The following SSBP2 variants were observed in gnomAD, a reference collection of about 807,000 sequenced individuals.
SSBP2 encodes single-stranded DNA-binding protein 2.
SSBP2 carries 17 observed loss-of-function variants against 61.8 expected under a neutral mutation model. The observed-to-expected ratio is 0.28, with a 90% confidence interval of 0.19 to 0.41. The LOEUF (loss-of-function observed/expected upper bound fraction) is 0.41. SSBP2 is among the 10% of genes least tolerant of loss of function. The pLI, the probability that SSBP2 is intolerant of heterozygous loss-of-function variation, is 1.00. For missense variants in SSBP2, 310 were observed against 458.7 expected (o/e 0.68, Z 2.96); for synonymous variants, 139 against 141.3 (o/e 0.98, Z 0.12).
In SSBP2 at chr5:81,526,831, A is replaced by C. The variant is rs142109245; in HGVS notation, c.283-13114T>G. On this transcript the variant is annotated intron_variant, in intron 4 of 16. Coordinates refer to ENST00000320672, the MANE Select transcript of SSBP2 (RefSeq NM_012446.5). Reference sequence around the variant, plus strand: ...GACATATATATTTACCAGTGTGATAAAAATTAGAAAGGGGAAAAATAAGGT... The same window carrying C: ...GACATATATATTTACCAGTGTGATACAAATTAGAAAGGGGAAAAATAAGGT... Among the ~76,000 whole-genome samples the C allele has an allele frequency of 2.4e-4, 36 of 152,066 alleles. No homozygotes were observed. The Middle Eastern group carries it at 0.01, about 43-fold the overall frequency.
intron 4 of SSBP2, among the ~76,000 whole-genome samples, chr5:81,538,831 C>G (rs1363707622): frequency 6.6e-6 from 1 of 152,158 alleles, no homozygotes; most frequent in Non-Finnish European, 1.5e-5. Flanking sequence ...CTGTTGAGAC[C>G]TGCTACACGG....
chr5:81,437,457 G>A lies in SSBP2; in HGVS notation c.930C>T (p.Gly310=), dbSNP rs770517715. The A allele has an allele frequency of 1.3e-5, 21 of 1,603,474 alleles. No individual in the cohort carries two copies. In the Admixed American group the frequency reaches 2.3e-4, roughly 17 times the overall value. Residue 310 remains glycine, a splice_region_variant and synonymous_variant, in exon 15 of 17, where the codon GGC becomes GGT. Transcript: ENST00000320672. ...TGGAAATACTGTCCATATCTCCTGA[G>A]CCTGAAACAAAATATAAAAAGAAAG... is the stretch of plus-strand genomic sequence containing the variant.
chr5:81,634,689 C>T (rs928683373), intron 3 of SSBP2, among the ~76,000 whole-genome samples: 2 of 152,180 alleles, frequency 1.3e-5, no homozygotes, highest in Non-Finnish European at 2.9e-5. Flanking sequence ...CACTCTATCA[C>T]CTCAATTTCC....
At chr5:81,477,407 A>C (rs553423911) in intron 6 of SSBP2, among the ~76,000 whole-genome samples, 77 of 152,180 alleles carry the variant, frequency 5.1e-4, no homozygotes, top group Non-Finnish European at 9.6e-4. Flanking sequence ...CCAATCTGAT[A>C]CTTCAGGATT....
chr5:81,591,184 T>C (rs1425040916), intron 4 of SSBP2, among the ~76,000 whole-genome samples: 3 of 152,112 alleles, frequency 2.0e-5, no homozygotes, highest in Non-Finnish European at 2.9e-5. Context: ...AAACACAAGA[T>C]AATGCTAGAG....
chr5:81,658,650 T>C (rs28825230), intron 1 of SSBP2, among the ~76,000 whole-genome samples: 7,590 of 152,242 alleles, frequency 0.05, 372 homozygotes, highest in African/African-American at 0.13. Context: ...ATAAGTGAGA[T>C]TATATAGTAT....
chr5:81,594,488 G>T (rs539665119), intron 4 of SSBP2, among the ~76,000 whole-genome samples: 7 of 151,996 alleles, frequency 4.6e-5, no homozygotes, highest in African/African-American at 9.7e-5. Context: ...TGCACCAAGC[G>T]GACCTAACAG....
chr5:81,460,475 A>C (rs955950633), intron 10 of SSBP2, among the ~76,000 whole-genome samples: 1 of 152,210 alleles, frequency 6.6e-6, no homozygotes, highest in Admixed American at 6.5e-5. Context: ...GACATTATTA[A>C]GAGAGATAAA....
At position 81,703,374 on chromosome 5, in the gene SSBP2, G is replaced by A. The variant is rs554783043; in HGVS notation, c.62+47607C>T. On this transcript the variant is annotated intron_variant, in intron 1 of 16. Coordinates refer to ENST00000320672, the MANE Select transcript of SSBP2 (RefSeq NM_012446.5). ...GCTCAGGCAGCCTGAGCTACAGTCT[G>A]CAGTGCTTGTTAGATGGACACTCAA... 2.6e-5 allele frequency among the ~76,000 whole-genome samples: 4 copies of A among 152,184 alleles called. No individual in the cohort carries two copies. In the South Asian group the frequency reaches 6.2e-4, roughly 24 times the overall value.
intron 1 of SSBP2, among the ~76,000 whole-genome samples, chr5:81,741,860 A>G (rs1277934791): frequency 2.6e-5 from 4 of 152,228 alleles, no homozygotes; most frequent in African/African-American, 7.2e-5. Flanking sequence ...TTGTTTAATG[A>G]AAGTACTGAC....
intron 4 of SSBP2, among the ~76,000 whole-genome samples, chr5:81,524,926 ATC>A (rs1040693541): frequency 3.3e-5 from 5 of 152,098 alleles, no homozygotes; most frequent in African/African-American, 4.8e-5. Context: ...CACCAATTCC[ATC>A]TAGACTGTAG....
At chr5:81,432,432 T>A (rs1345574899) in intron 15 of SSBP2, among the ~76,000 whole-genome samples, 1 of 152,162 alleles carries the variant, frequency 6.6e-6, no homozygotes, top group African/African-American at 2.4e-5. Flanking sequence ...CTGCAGAATT[T>A]CCTTAGCTGC....
chr5:81,552,169 T>C (rs1055242994), intron 4 of SSBP2, among the ~76,000 whole-genome samples: 3 of 152,166 alleles, frequency 2.0e-5, no homozygotes, highest in Non-Finnish European at 4.4e-5. Flanking sequence ...TATAGAGAGA[T>C]AAATAAGCAA....
At chr5:81,478,994 T>C (rs1765787759) in intron 6 of SSBP2, among the ~76,000 whole-genome samples, 2 of 152,210 alleles carry the variant, frequency 1.3e-5, no homozygotes, top group Admixed American at 1.3e-4. Flanking sequence ...ACAGAAGTCT[T>C]AACCAACATC....
intron 4 of SSBP2, among the ~76,000 whole-genome samples, chr5:81,594,434 G>A (rs954583592): frequency 2.2e-4 from 33 of 152,056 alleles, no homozygotes; most frequent in Non-Finnish European, 3.4e-4. Context: ...ACAGATCAAC[G>A]AGACAGAAAG....
chr5:81,710,554 G>A, intron 1 of SSBP2: 1 of 353,316 alleles, frequency 2.8e-6, no homozygotes, highest in Non-Finnish European at 5.5e-6. Context: ...AGTATAATAT[G>A]AGGGGCTGAT....
At chr5:81,714,672 T>C (rs540880325) in intron 1 of SSBP2, among the ~76,000 whole-genome samples, 2 of 152,360 alleles carry the variant, frequency 1.3e-5, no homozygotes, top group South Asian at 2.1e-4. Context: ...CTTTTTTTCA[T>C]GTTTGTTGGC....
chr5:81,527,127 G>A (rs574025295), intron 4 of SSBP2, among the ~76,000 whole-genome samples: 42 of 152,028 alleles, frequency 2.8e-4, no homozygotes, highest in African/African-American at 9.4e-4. Flanking sequence ...ATTTCAAAGC[G>A]TGGCCTGAGA....
At chr5:81,673,528 G>A (rs1355747844) in intron 1 of SSBP2, among the ~76,000 whole-genome samples, 1 of 152,098 alleles carries the variant, frequency 6.6e-6, no homozygotes, top group Non-Finnish European at 1.5e-5. Flanking sequence ...GCAAATTCAA[G>A]ATGAATTAAT....
Sources: allele counts gnomAD v4.1 joint callset (sites outside exome capture counted in the v4.1 genomes callset), GRCh38; gene constraint gnomAD v4.1.1; transcripts MANE v1.5; gene names NCBI Gene and HGNC (gene_info 2026-07-23, HGNC 2026-07-21).